The following ETV4 variants were observed in gnomAD, a reference collection of about 807,000 sequenced individuals.
The protein encoded by ETV4 is ETS variant transcription factor 4.
ETV4 carries 42 observed loss-of-function variants against 65.9 expected under a neutral mutation model. The observed-to-expected ratio is 0.64, with a 90% CI of 0.50 to 0.82. The LOEUF (loss-of-function observed/expected upper bound fraction) is 0.82, where lower values mean the gene tolerates loss of function less well. Ranked by LOEUF, ETV4 falls within the 40% of genes least tolerant of loss-of-function variation. The pLI, the probability that ETV4 is intolerant of heterozygous loss-of-function variation, is 0.00. For synonymous variants in ETV4, 238 were observed against 260.0 expected (o/e 0.92, Z 0.81); for missense variants, 583 against 630.3 (o/e 0.92, Z 0.80).
intron 11 of ETV4, 39 bp from the exon 12 acceptor site, chr17:43,529,275 G>A: frequency 1.9e-6 from 3 of 1,595,596 alleles, no homozygotes; most frequent in Non-Finnish European, 2.6e-6. Flanking sequence ...ATGCTACCTT[G>A]GCAGAGGAAA....
intron 8 of ETV4, among the ~76,000 whole-genome samples, chr17:43,532,296 C>G (rs563354684): frequency 6.6e-6 from 1 of 152,110 alleles, no homozygotes; most frequent in Admixed American, 6.6e-5. Context: ...GTCAGGAGTT[C>G]GAGACCATCC....
At chr17:43,533,464 G>A in intron 6 of ETV4, 116 bp from the exon 7 acceptor site, 4 of 973,346 alleles carry the variant, frequency 4.1e-6, no homozygotes, top group Non-Finnish European at 6.0e-6. Flanking sequence ...AGGATAGAGG[G>A]GGCTGAGAAG....
chr17:43,529,048 T>A, intron 12 of ETV4, 87 bp downstream of exon 12: 1 of 1,267,494 alleles, frequency 7.9e-7, no homozygotes, highest in Non-Finnish European at 1.2e-6. Context: ...ACAAAGTTGC[T>A]GAGAACTGCC....
intron 4 of ETV4, among the ~76,000 whole-genome samples, chr17:43,542,276 CAGAG>C (rs1971564277): frequency 6.6e-6 from 1 of 152,108 alleles, no homozygotes; most frequent in Non-Finnish European, 1.5e-5. Context: ...CACACAGTAT[CAGAG>C]GGATCAAGGA....
chr17:43,528,427 TG>T lies in ETV4; in HGVS notation c.*91del, dbSNP rs994082197. 2.3e-6 allele frequency: 2 copies of T among 852,336 alleles called. No individual in the cohort carries two copies. Among genetic ancestry groups the T allele is most frequent in the Non-Finnish European group, 3.6e-6 (2 of 551,590 alleles). The allele number at this position is 852,336 out of a possible 1,614,324, so 52.8% of individuals were successfully genotyped here. A position where few individuals can be genotyped will look rare whatever the true frequency, so the allele number is the denominator to read the frequency against. ...TGGGGATCTGCCCCAGAGACATCTG[TG>T]GGTTTCAGATGAAGGTTTCCCCAAC... On this transcript the variant is annotated 3_prime_UTR_variant, in exon 13 of 13. Transcript: ENST00000319349.
At chr17:43,541,515 A>T (rs1351160329) in intron 4 of ETV4, among the ~76,000 whole-genome samples, 1 of 148,708 alleles carries the variant, frequency 6.7e-6, no homozygotes, top group Non-Finnish European at 1.5e-5. Context: ...AATTTTAGGG[A>T]CTCTCCTTTC....
chr17:43,534,090 C>T (rs756776854), intron 5 of ETV4, 105 bp from the exon 6 acceptor site: 26 of 1,232,314 alleles, frequency 2.1e-5, no homozygotes, highest in Non-Finnish European at 2.7e-5. Context: ...GTGACTGGTA[C>T]AGCCTCCTTC....
chr17:43,530,803 C>T (rs2154587055), intron 8 of ETV4, among the ~76,000 whole-genome samples: 1 of 152,202 alleles, frequency 6.6e-6, no homozygotes, highest in South Asian at 2.1e-4. Context: ...GCCACCCGTT[C>T]AAGTTCCAAC....
At chr17:43,545,864 C>G in intron 1 of ETV4, 196 bp from the exon 2 acceptor site, 2 of 593,836 alleles carry the variant, frequency 3.4e-6, no homozygotes, top group Non-Finnish European at 6.0e-6. Flanking sequence ...GTCCCACCTG[C>G]TCCCAGGAGC....
rs141492045 is a variant in ETV4, at chr17:43,530,162, T to G, written c.831A>C (p.Ser277=). The G allele has an allele frequency of 1.1e-5, 17 of 1,558,074 alleles. No homozygotes were observed. The highest frequency in any genetic ancestry group is 5.9e-5 in the Admixed American group (3 of 51,208). The change falls in exon 9 of 13, where the codon TCA becomes TCC. Residue 277 remains serine, a synonymous_variant. Transcript: ENST00000319349. ...AYDSDVTGCA[S]MYLHTEGFSG... ...AGAAGCCCTCTGTGTGGAGGTACATTGATGCGCACCCGGTGACATCTGTGG... is the reference window on the plus strand; with the variant it reads ...AGAAGCCCTCTGTGTGGAGGTACATGGATGCGCACCCGGTGACATCTGTGG...
At chr17:43,534,798 G>A (rs958027705) in intron 5 of ETV4, among the ~76,000 whole-genome samples, 40 of 152,194 alleles carry the variant, frequency 2.6e-4, no homozygotes, top group East Asian at 7.8e-4. Flanking sequence ...AAAATTAGCC[G>A]GGCGTGGTGG....
At chr17:43,530,920 TTG>T (rs1491131383) in intron 8 of ETV4, among the ~76,000 whole-genome samples, 2 of 152,062 alleles carry the variant, frequency 1.3e-5, no homozygotes, top group Non-Finnish European at 2.9e-5. Context: ...TGCCTCCATT[TTG>T]TGAATGGAAT....
At chr17:43,537,342 G>T (rs1021346357) in intron 4 of ETV4, among the ~76,000 whole-genome samples, 2 of 152,026 alleles carry the variant, frequency 1.3e-5, no homozygotes, top group African/African-American at 4.8e-5. Context: ...TCCAGCCTGG[G>T]CAACAAGAGT....
chr17:43,537,557 G>C (rs574816064), intron 4 of ETV4, among the ~76,000 whole-genome samples: 85 of 151,500 alleles, frequency 5.6e-4, no homozygotes, highest in African/African-American at 1.9e-3. Context: ...TTAGTCAGGC[G>C]TGGCGGTGGG....
chr17:43,538,638 AAGAATCTCCCTTGATCCCAG>A (rs1346741222), intron 4 of ETV4, among the ~76,000 whole-genome samples: 1 of 152,194 alleles, frequency 6.6e-6, no homozygotes, highest in Non-Finnish European at 1.5e-5. Context: ...TTATACAGCT[AAGAATCTCCCTTGATCCCAG>A]AGTCTTGGCC....
chr17:43,528,526 G>C lies in ETV4; in HGVS notation c.1448C>G (p.Ser483Cys). The C allele has an allele frequency of 6.2e-7, 1 of 1,606,378 alleles. No homozygotes were observed. Among genetic ancestry groups the C allele is most frequent in the Non-Finnish European group, 8.5e-7 (1 of 1,175,190 alleles). ...AQPFGPKGGY[S>C]Y ...GGGAACAGCCGCTGGGGGCTAGTAA[G>C]AGTAGCCACCCTTGGGGCCAAATGG... Residue 483 changes from serine to cysteine, a missense_variant, in exon 13 of 13, where the codon TCT (serine) becomes TGT (cysteine). Ser to Cys is a moderately radical substitution (Grantham distance 112). Transcript: ENST00000319349.
At chr17:43,528,845 A>G in intron 12 of ETV4, 102 bp from the exon 13 acceptor site, 1 of 898,292 alleles carries the variant, frequency 1.1e-6, no homozygotes, top group Non-Finnish European at 1.7e-6. Flanking sequence ...CAGTACAGGC[A>G]GATGCTCGGG....
chr17:43,531,879 C>T (rs1405132095), intron 8 of ETV4, among the ~76,000 whole-genome samples: 1 of 152,198 alleles, frequency 6.6e-6, no homozygotes, highest in Non-Finnish European at 1.5e-5. Flanking sequence ...TTTCCCAACT[C>T]TGCACACTCG....
Position 43,545,660 on chromosome 17 carries a change from G to A in ETV4, c.-43C>T, listed in dbSNP as rs1289051654. Reference sequence around the variant, plus strand: ...CCGCACGGCCGGGGCCCCAAGCGGGGGCCGAGACCTGGTGGGGGAGGGGGC... The same window carrying A: ...CCGCACGGCCGGGGCCCCAAGCGGGAGCCGAGACCTGGTGGGGGAGGGGGC... On this transcript the variant is annotated 5_prime_UTR_variant, in exon 2 of 13. Transcript: ENST00000319349. 5 of 1,537,718 alleles carry A rather than the reference G, an allele frequency of 3.3e-6. No individual in the cohort carries two copies. The highest frequency in any genetic ancestry group is 4.4e-6 in the Non-Finnish European group (5 of 1,137,438).
Sources: allele counts gnomAD v4.1 joint callset (sites outside exome capture counted in the v4.1 genomes callset), GRCh38; gene constraint gnomAD v4.1.1; transcripts MANE v1.5; gene names NCBI Gene and HGNC (gene_info 2026-07-23, HGNC 2026-07-21).